SUPT5H: variants seen among roughly 807,000 people sequenced by gnomAD.
The protein encoded by SUPT5H is SPT5 homolog, DSIF elongation factor subunit.
In SUPT5H, 24 loss-of-function variants were observed where a neutral mutation model predicts 142.5. That is an observed-to-expected ratio of 0.17 (90% confidence interval 0.12 to 0.24). The LOEUF is 0.24. Among genes scored for constraint, SUPT5H ranks in the 10% least tolerant of loss-of-function variants. The pLI, the probability that SUPT5H is intolerant of heterozygous loss-of-function variation, is 1.00. For missense variants in SUPT5H, 893 were observed against 1,471.8 expected, an observed-to-expected ratio of 0.61 and a Z score of 6.43; for synonymous variants, 546 against 553.0, an observed-to-expected ratio of 0.99 and a Z score of 0.18.
chr19:39,445,974 C>T lies in SUPT5H; in HGVS notation c.75+9C>T. 2 of 1,610,036 alleles carry T rather than the reference C, an allele frequency of 1.2e-6. No individual in the cohort carries two copies. The highest frequency in any genetic ancestry group is 1.3e-5 in the African/African-American group (1 of 75,014). ...ACGGCGAGGAGGCCGAGGTCTGTGG[C>T]TGGGGCGCTGGGGGAGACATTGCGT... On this transcript the variant is annotated intron_variant, in intron 2 of 29. Coordinates refer to ENST00000432763, the MANE Select transcript of SUPT5H (RefSeq NM_001111020.3).
chr19:39,459,348 G>A, intron 8 of SUPT5H, 99 bp downstream of exon 8: 8 of 1,451,614 alleles, frequency 5.5e-6, no homozygotes, highest in Middle Eastern at 2.0e-4. Flanking sequence ...TCAGGGCAGA[G>A]TCACACAGGC....
chr19:39,445,666 C>T (rs1036440199), intron 1 of SUPT5H, 29 bp downstream of exon 1: 10 of 575,344 alleles, frequency 1.7e-5, no homozygotes, highest in Non-Finnish European at 3.1e-5. Context: ...GTGGCAGTTC[C>T]GGGCGCCGGG....
rs1403071497 is a variant in SUPT5H at position 39,473,955 on chromosome 19, C to T, written c.2493-8C>T. On this transcript the variant is annotated splice_polypyrimidine_tract_variant and splice_region_variant and intron_variant, in intron 25 of 29. Coordinates refer to ENST00000432763, the MANE Select transcript of SUPT5H (RefSeq NM_001111020.3). This position sits in a 1 kb window ranked among gnomAD's most constrained non-coding sequence, Gnocchi z 5.8. ...ACAGTCGCTGTCAACAGACTTTTCT[C>T]CCAACAGGGCTGAGGAAGAATATGA... The T allele has an allele frequency of 1.9e-6, 3 of 1,613,822 alleles. No homozygotes were observed. The Admixed American group carries it at 5.0e-5, about 27-fold the overall frequency.
chr19:39,463,263 A>G (rs946957324), intron 10 of SUPT5H, among the ~76,000 whole-genome samples: 7 of 152,052 alleles, frequency 4.6e-5, no homozygotes, highest in South Asian at 4.1e-4. Context: ...CGGCCTCCCA[A>G]AGTGCTGGGA....
At chr19:39,455,924 TC>T (rs1303393780) in intron 3 of SUPT5H, among the ~76,000 whole-genome samples, 19 of 123,118 alleles carry the variant, frequency 1.5e-4, no homozygotes, top group African/African-American at 6.0e-4. Flanking sequence ...CCCCGCCTCT[TC>T]TTTTTTTTTT....
rs746136585 is a variant in SUPT5H, at chr19:39,469,180, A to G, written c.1237+8A>G. Reference sequence around the variant, plus strand: ...TGGTGACTGAGAGCACAGGTATTTGATCCCCCTCTATAACCTGGGCCAAGG... The same window carrying G: ...TGGTGACTGAGAGCACAGGTATTTGGTCCCCCTCTATAACCTGGGCCAAGG... On this transcript the variant is annotated splice_region_variant and intron_variant, in intron 15 of 29. Coordinates refer to ENST00000432763, the MANE Select transcript of SUPT5H (RefSeq NM_001111020.3). This position sits in a 1 kb window ranked among gnomAD's most constrained non-coding sequence, Gnocchi z 5.1. 6.2e-7 allele frequency: 1 copy of G among 1,614,014 alleles called. No homozygotes were observed. The highest frequency in any genetic ancestry group is 1.3e-5 in the African/African-American group (1 of 74,902).
Position 39,459,568 on chromosome 19 carries a change from T to C in SUPT5H, c.534T>C (p.Asn178=). The change falls in exon 9 of 30, where the codon AAT becomes AAC. Residue 178 remains asparagine (N), a synonymous_variant. Coordinates refer to ENST00000432763, the MANE Select transcript of SUPT5H (RefSeq NM_001111020.3). ...QQLLPGVKDP[N]LWTVKCKIGE... ...TTCCTCTGCTGCTTAGGGATCCCAA[T>C]CTGTGGACTGTCAAATGTAAGGTAT... 1 of 1,613,936 alleles carries C rather than the reference T, an allele frequency of 6.2e-7. No individual in the cohort carries two copies. The highest frequency in any genetic ancestry group is 1.7e-4 in the Middle Eastern group (1 of 6,060).
At chr19:39,476,045 G>A (rs1229802864) in intron 28 of SUPT5H, 36 bp from the exon 29 acceptor site, 1 of 1,588,812 alleles carries the variant, frequency 6.3e-7, no homozygotes, top group Non-Finnish European at 8.6e-7. Flanking sequence ...CATGTTGGGA[G>A]CAGGACAGGC....
At position 39,471,463 on chromosome 19, in the gene SUPT5H, A is replaced by G. The variant is rs764053456; in HGVS notation, c.1784A>G (p.His595Arg). The change falls in exon 19 of 30, where the codon CAT becomes CGT. Residue 595 changes from histidine to arginine, a missense_variant. This residue lies in a region of SUPT5H where 428 missense variants were observed against 763.5 expected (regional missense o/e 0.56). Transcript: ENST00000432763. ...VALDSEQNNI[H>R]VKDIVKVIDG... is the part of the protein sequence containing the mutation. ...TTGGACTCAGAGCAGAACAACATCC[A>G]TGTGAAAGACATCGTTAAGGTCATT... is the stretch of plus-strand genomic sequence containing the variant. 1.2e-6 allele frequency: 2 copies of G among 1,614,234 alleles called. No individual in the cohort carries two copies. Among genetic ancestry groups the G allele is most frequent in the Non-Finnish European group, 1.7e-6 (2 of 1,180,032 alleles).
At position 39,445,596 on chromosome 19, in the gene SUPT5H, C is replaced by A. The variant is rs2078941907; in HGVS notation, c.-129C>A. The A allele has an allele frequency of 4.8e-6, 2 of 412,794 alleles. No individual in the cohort carries two copies. Among genetic ancestry groups the A allele is most frequent in the Non-Finnish European group, 9.1e-6 (2 of 219,364 alleles). The allele number at this position is 412,794 out of a possible 1,614,324, so 25.6% of individuals were successfully genotyped here. On this transcript the variant is annotated 5_prime_UTR_variant, in exon 1 of 30. Coordinates refer to ENST00000432763, the MANE Select transcript of SUPT5H (RefSeq NM_001111020.3). The stretch of plus-strand genomic sequence containing the variant: ...CCGTCAGCCCCAGTCAGGCGTCGTG[C>A]GAACAGCAGCTGGTACCGAAGGCGG...
At position 39,458,980 on chromosome 19, in the gene SUPT5H, G is replaced by A. The variant is rs771767953; in HGVS notation, c.390-25G>A. 1.9e-6 allele frequency: 3 copies of A among 1,614,144 alleles called. No homozygotes were observed. The highest frequency in any genetic ancestry group is 2.5e-6 in the Non-Finnish European group (3 of 1,180,032). On this transcript the variant is annotated intron_variant, in intron 6 of 29. Transcript: ENST00000432763. This position sits in a 1 kb window ranked among gnomAD's most constrained non-coding sequence, Gnocchi z 4.2. Reference sequence around the variant, plus strand: ...CTGCTGTCCTCAACCTTCAATTCGTGTTTGCTTCCCCACTCGTGCTCCAGG... The same window carrying A: ...CTGCTGTCCTCAACCTTCAATTCGTATTTGCTTCCCCACTCGTGCTCCAGG...
chr19:39,473,890 T>C lies in SUPT5H; in HGVS notation c.2493-73T>C. The C allele has an allele frequency of 6.3e-7, 1 of 1,597,114 alleles. No individual in the cohort carries two copies. Among genetic ancestry groups the C allele is most frequent in the South Asian group, 1.1e-5 (1 of 90,730 alleles). On this transcript the variant is annotated intron_variant, in intron 25 of 29. Coordinates refer to ENST00000432763, the MANE Select transcript of SUPT5H (RefSeq NM_001111020.3). This position sits in a 1 kb window ranked among gnomAD's most constrained non-coding sequence, Gnocchi z 5.8. ...GAAATTGCTTCAGTTGGGGGTCTGG[T>C]GTAGGGTGCTGTTCTGGAAGCATCC...
intron 10 of SUPT5H, among the ~76,000 whole-genome samples, chr19:39,461,764 TA>T (rs1159705452): frequency 1.4e-5 from 2 of 147,100 alleles, no homozygotes; most frequent in Non-Finnish European, 3.0e-5. Flanking sequence ...TTGGAGGTTG[TA>T]GTGAGCCAAG....
Position 39,468,925 on chromosome 19 carries a change from C to G in SUPT5H, c.1143+64C>G. The G allele has an allele frequency of 5.7e-6, 9 of 1,568,454 alleles. No homozygotes were observed. The Admixed American group carries it at 1.2e-4, about 20-fold the overall frequency. On this transcript the variant is annotated intron_variant, in intron 14 of 29. Coordinates refer to ENST00000432763, the MANE Select transcript of SUPT5H (RefSeq NM_001111020.3). ...TGAGTGTTCTCCTGCAGGTGATGCC[C>G]TGGGCTGTGGGTTATCTGGTTCTGT...
intron 29 of SUPT5H, 32 bp downstream of exon 29, chr19:39,476,208 G>T: frequency 6.2e-7 from 1 of 1,614,070 alleles, no homozygotes; most frequent in Admixed American, 1.7e-5. Context: ...ATAAGATGGG[G>T]CCGTTGGGTG....
At position 39,476,349 on chromosome 19, in the gene SUPT5H, C is replaced by G. The variant is rs1270090397; in HGVS notation, c.3214C>G (p.Gln1072Glu). The G allele has an allele frequency of 6.2e-7, 1 of 1,614,106 alleles. No individual in the cohort carries two copies. Among genetic ancestry groups the G allele is most frequent in the South Asian group, 1.1e-5 (1 of 91,084 alleles). ...CATTGTCCGTATGGACCTTGATGAG[C>G]AGCTCAAGATCCTCAACCTCCGCTT... is the stretch of plus-strand genomic sequence containing the variant. ...DGIVRMDLDEQLKILNLRFLG... is the reference protein window; with the variant it reads ...DGIVRMDLDEELKILNLRFLG... The change falls in exon 30 of 30, where the codon CAG (glutamine) becomes GAG (glutamate). Residue 1072 changes from glutamine (Q) to glutamate (E), a missense_variant. By Grantham distance (29) the Gln-to-Glu change is conservative. This residue lies in a region of SUPT5H where 336 missense variants were observed against 546.5 expected (regional missense o/e 0.61). Coordinates refer to ENST00000432763, the MANE Select transcript of SUPT5H (RefSeq NM_001111020.3).
intron 4 of SUPT5H, 35 bp downstream of exon 4, chr19:39,457,775 G>T: frequency 6.2e-7 from 1 of 1,613,940 alleles, no homozygotes; most frequent in Non-Finnish European, 8.5e-7. Flanking sequence ...AGACTACTGG[G>T]AAGAGGGTGG....
Position 39,458,148 on chromosome 19 carries a change from C to T in SUPT5H, c.308-146C>T, listed in dbSNP as rs2079114919. ...CTGGCCTTTACTTTTGGTTTTCAAC[C>T]TTTCTGTGTCCCTCCCTTCCCCTCC... On this transcript the variant is annotated intron_variant, in intron 4 of 29. Transcript: ENST00000432763. This position sits in a 1 kb window ranked among gnomAD's most constrained non-coding sequence, Gnocchi z 4.2. 2.9e-6 allele frequency: 4 copies of T among 1,378,406 alleles called. 1 individual carries two copies. Among genetic ancestry groups the T allele is most frequent in the Non-Finnish European group, 1.9e-6 (2 of 1,033,916 alleles). The allele number at this position is 1,378,406 out of a possible 1,614,324, so 85.4% of individuals were successfully genotyped here.
At position 39,466,546 on chromosome 19, in the gene SUPT5H, C is replaced by A. The variant is rs745821800; in HGVS notation, c.943C>A (p.Arg315Ser). The A allele has an allele frequency of 6.2e-7, 1 of 1,614,148 alleles. No homozygotes were observed. Among genetic ancestry groups the A allele is most frequent in the Non-Finnish European group, 8.5e-7 (1 of 1,180,040 alleles). ...LKMIPRIDYD[R>S]IKARMSLKDW... Reference sequence around the variant, plus strand: ...GATGATCCCACGCATCGACTACGATCGCATCAAGGCCCGCATGAGCTTGGT... The same window carrying A: ...GATGATCCCACGCATCGACTACGATAGCATCAAGGCCCGCATGAGCTTGGT... Residue 315 changes from arginine to serine, a missense_variant, in exon 12 of 30, where the codon CGC becomes AGC. By Grantham distance (110) the Arg-to-Ser change is moderately radical. Transcript: ENST00000432763. The surrounding 1 kb of genome is among the most constrained non-coding windows in gnomAD (Gnocchi z 4.3).
Sources: allele counts gnomAD v4.1 joint callset (sites outside exome capture counted in the v4.1 genomes callset), GRCh38; gene constraint gnomAD v4.1.1; regional missense constraint gnomAD v4.1.1; non-coding constraint Gnocchi (gnomAD v3.1); transcripts MANE v1.5; gene names NCBI Gene and HGNC (gene_info 2026-07-23, HGNC 2026-07-21).